Variants in E2F3 observed in about 807,000 individuals in gnomAD.
The protein encoded by E2F3 is transcription factor E2F3.
Under a neutral mutation model 44.4 loss-of-function variants are expected in E2F3, and 11 were observed. That is an observed-to-expected ratio of 0.25 (90% CI 0.16 to 0.41). The LOEUF (loss-of-function observed/expected upper bound fraction) is 0.41. Ranked by LOEUF, E2F3 falls within the 10% of genes least tolerant of loss-of-function variation. The pLI, the probability that E2F3 is intolerant of heterozygous loss-of-function variation, is 1.00. For synonymous variants in E2F3, 249 were observed against 253.0 expected (o/e 0.98, Z 0.15); for missense variants, 487 against 583.6 (o/e 0.83, Z 1.70).
In E2F3 at chr6:20,420,554, G is replaced by A. The variant is rs1759992242; in HGVS notation, c.393+17929G>A. Among the ~76,000 whole-genome samples, 4 of 152,236 alleles carry A rather than the reference G, an allele frequency of 2.6e-5. 1 individual carries two copies. The South Asian group carries it at 8.3e-4, about 32-fold the overall frequency. On this transcript the variant is annotated intron_variant, in intron 1 of 6. Transcript: ENST00000346618. ...AATGTCACAATAAAGCAAGTCATAT[G>A]GAGTCTTTGGTTTCCCAGTGCATAT...
At chr6:20,408,919 C>T (rs1759577130) in intron 1 of E2F3, among the ~76,000 whole-genome samples, 1 of 152,186 alleles carries the variant, frequency 6.6e-6, no homozygotes, top group South Asian at 2.1e-4. Context: ...TTGGCATTTA[C>T]ACTGGTCTTG....
chr6:20,473,012 A>G (rs1761941729), intron 1 of E2F3, among the ~76,000 whole-genome samples: 1 of 152,196 alleles, frequency 6.6e-6, no homozygotes, highest in Non-Finnish European at 1.5e-5. Flanking sequence ...TAAAGATGGG[A>G]TGGTAGATAG....
intron 1 of E2F3, among the ~76,000 whole-genome samples, chr6:20,417,547 TA>T (rs1759887751): frequency 6.6e-6 from 1 of 151,706 alleles, no homozygotes; most frequent in Non-Finnish European, 1.5e-5. Context: ...CTTTTAAATT[TA>T]AAAAGATGTT....
chr6:20,420,595 C>G (rs1185388057), intron 1 of E2F3, among the ~76,000 whole-genome samples: 1 of 152,200 alleles, frequency 6.6e-6, no homozygotes, highest in Non-Finnish European at 1.5e-5. Context: ...TTACACTGTA[C>G]TGTAGTCTAT....
chr6:20,424,847 C>T (rs1424880562), intron 1 of E2F3, among the ~76,000 whole-genome samples: 1 of 152,154 alleles, frequency 6.6e-6, no homozygotes, highest in Admixed American at 6.5e-5. Context: ...AGTGATGAAG[C>T]AGTTTGTCCA....
chr6:20,466,997 C>T (rs9350250), intron 1 of E2F3, among the ~76,000 whole-genome samples: 20,283 of 152,098 alleles, frequency 0.13, 1,765 homozygotes, highest in East Asian at 0.4. Context: ...TTCTTATTCA[C>T]CTTATTTCTT....
chr6:20,481,936 C>T (rs1025984942), intron 3 of E2F3, among the ~76,000 whole-genome samples: 1 of 152,114 alleles, frequency 6.6e-6, no homozygotes, highest in Non-Finnish European at 1.5e-5. Context: ...GCCTCCATTT[C>T]GTCTGTAGAG....
At chr6:20,476,263 C>T (rs777404715) in intron 1 of E2F3, among the ~76,000 whole-genome samples, 11 of 151,858 alleles carry the variant, frequency 7.2e-5, no homozygotes, top group South Asian at 2.1e-4. Context: ...CCCAGCTACT[C>T]GAGAGGCTGA....
chr6:20,474,098 T>G (rs1262820250), intron 1 of E2F3, among the ~76,000 whole-genome samples: 3 of 1,330 alleles, frequency 2.3e-3, no homozygotes, highest in African/African-American at 4.2e-3. Flanking sequence ...GGTTTTGTGG[T>G]TTTTTTTCGT....
chr6:20,490,347 G>C lies in E2F3; in HGVS notation c.1315G>C (p.Gly439Arg). 1 of 1,613,414 alleles carries C rather than the reference G, an allele frequency of 6.2e-7. No individual in the cohort carries two copies. The highest frequency in any genetic ancestry group is 1.1e-5 in the South Asian group (1 of 90,902). The change falls in exon 7 of 7, where the codon GGG (glycine) becomes CGG (arginine). Residue 439 changes from glycine (G) to arginine (R), a missense_variant. Physicochemically the swap from Gly to Arg is moderately radical, Grantham distance 125. This residue lies in a region of E2F3 where 220 missense variants were observed against 261.7 expected (regional missense o/e 0.84). Transcript: ENST00000346618. The surrounding 1 kb of genome is among the most constrained non-coding windows in gnomAD (Gnocchi z 4.3). ...LLQEDYLLSL[G>R]EEEGISDLFD... is the part of the protein sequence containing the mutation. ...GCAAGAGGACTATCTCCTGAGCCTC[G>C]GGGAGGAGGAAGGCATCAGCGATCT...
Position 20,402,382 on chromosome 6 carries a change from T to TGCC in E2F3, c.157_159dup (p.Ala53dup). ...CCGGCTTCGCCGCCGCCGCCGCCGCTGCCGCCGCCCCGGGCGCGTACATCC... is the reference window on the plus strand; with the variant it reads ...CCGGCTTCGCCGCCGCCGCCGCCGCTGCCGCCGCCGCCCCGGGCGCGTACATCC... On this transcript the variant is annotated inframe_insertion, in exon 1 of 7. Transcript: ENST00000346618. The surrounding 1 kb of genome is among the most constrained non-coding windows in gnomAD (Gnocchi z 5.6). 6.2e-7 allele frequency: 1 copy of TGCC among 1,604,202 alleles called. No homozygotes were observed. Among genetic ancestry groups the TGCC allele is most frequent in the Non-Finnish European group, 8.5e-7 (1 of 1,177,068 alleles).
chr6:20,409,490 G>C (rs993084795), intron 1 of E2F3, among the ~76,000 whole-genome samples: 4 of 152,160 alleles, frequency 2.6e-5, no homozygotes, highest in African/African-American at 9.7e-5. Flanking sequence ...CTTTCTTGGG[G>C]AGAAGGACAC....
At chr6:20,441,868 A>C (rs1760787518) in intron 1 of E2F3, among the ~76,000 whole-genome samples, 1 of 151,658 alleles carries the variant, frequency 6.6e-6, no homozygotes, top group Non-Finnish European at 1.5e-5. Context: ...GCTTCCGGCC[A>C]TATGTTTAAC....
intron 1 of E2F3, among the ~76,000 whole-genome samples, chr6:20,414,849 G>T (rs1759790843): frequency 6.6e-6 from 1 of 152,200 alleles, no homozygotes; most frequent in South Asian, 2.1e-4. Context: ...GTGTGGACTT[G>T]AAGATCCGGC....
intron 1 of E2F3, among the ~76,000 whole-genome samples, chr6:20,475,202 TAGCATTCAA>T (rs1474103478): frequency 1.3e-5 from 2 of 152,276 alleles, no homozygotes; most frequent in African/African-American, 2.4e-5. Flanking sequence ...CTTGTCCATC[TAGCATTCAA>T]ATTTGGTCAA....
At chr6:20,477,411 G>A (rs1762083594) in intron 1 of E2F3, among the ~76,000 whole-genome samples, 1 of 152,196 alleles carries the variant, frequency 6.6e-6, no homozygotes, top group African/African-American at 2.4e-5. Context: ...AATGAAAGTG[G>A]AATCCACAGG....
chr6:20,466,719 G>T (rs1241426829), intron 1 of E2F3, among the ~76,000 whole-genome samples: 2 of 143,358 alleles, frequency 1.4e-5, no homozygotes, highest in African/African-American at 5.2e-5. Flanking sequence ...GTCTGGCTCT[G>T]TCGCCCAGGC....
chr6:20,428,262 C>T (rs1760280804), intron 1 of E2F3, among the ~76,000 whole-genome samples: 1 of 152,012 alleles, frequency 6.6e-6, no homozygotes, highest in Non-Finnish European at 1.5e-5. Context: ...CTTGCTGTGA[C>T]ACCTAGGCTG....
rs1762558769 is a variant in E2F3, at chr6:20,491,758, C to A, written c.*1328C>A. ...GGGGGCTGGAATAGTTCTGGCCAGA[C>A]CCCGTTCCCCTTCCTCTATGAAGGA... On this transcript the variant is annotated 3_prime_UTR_variant, in exon 7 of 7. Transcript: ENST00000346618. 5.5e-6 allele frequency: 1 copy of A among 180,928 alleles called. No homozygotes were observed. Among genetic ancestry groups the A allele is most frequent in the Non-Finnish European group, 1.2e-5 (1 of 84,354 alleles). The allele number at this position is 180,928 out of a possible 1,614,324, so 11.2% of individuals were successfully genotyped here. A position where few individuals can be genotyped will look rare whatever the true frequency, so the allele number is the denominator to read the frequency against.
Sources: allele counts gnomAD v4.1 joint callset (sites outside exome capture counted in the v4.1 genomes callset), GRCh38; gene constraint gnomAD v4.1.1; regional missense constraint gnomAD v4.1.1; non-coding constraint Gnocchi (gnomAD v3.1); transcripts MANE v1.5; gene names NCBI Gene and HGNC (gene_info 2026-07-23, HGNC 2026-07-21).